NRIP1: variants seen among roughly 807,000 people sequenced by gnomAD.
NRIP1 encodes the protein nuclear receptor-interacting protein 1.
Under a neutral mutation model 75.0 loss-of-function variants are expected in NRIP1, and 28 were observed. That is an observed-to-expected ratio of 0.37 (90% CI 0.28 to 0.51). NRIP1 has a LOEUF of 0.51. Among genes scored for constraint, NRIP1 ranks in the 20% least tolerant of loss-of-function variants. NRIP1 has a pLI of 0.92. For synonymous variants in NRIP1, 526 were observed against 487.6 expected (o/e 1.08, Z -1.04); for missense variants, 1,435 against 1,343.7 (o/e 1.07, Z -1.06).
chr21:14,964,488 A>G lies in NRIP1; in HGVS notation c.*228T>C, dbSNP rs2086668420. 1 of 407,792 alleles carries G rather than the reference A, an allele frequency of 2.5e-6. No individual in the cohort carries two copies. Among genetic ancestry groups the G allele is most frequent in the Non-Finnish European group, 4.3e-6 (1 of 230,682 alleles). The allele number at this position is 407,792 out of a possible 1,614,324, so 25.3% of individuals were successfully genotyped here. ...TACTCACAGTTGTTATCTGATGCAT[A>G]CAGAAGTGTTAAACAACCAATTGCT... is the stretch of plus-strand genomic sequence containing the variant. On this transcript the variant is annotated 3_prime_UTR_variant, in exon 4 of 4. Coordinates refer to ENST00000318948, the MANE Select transcript of NRIP1 (RefSeq NM_003489.4).
chr21:14,988,184 T>G (rs2087457737), intron 3 of NRIP1: 1 of 152,072 alleles, frequency 6.6e-6, no homozygotes, highest in African/African-American at 2.4e-5. Context: ...CGAGGCTCAG[T>G]TTTTTCAGCT....
intron 1 of NRIP1, among the ~76,000 whole-genome samples, chr21:15,062,307 G>A (rs1275084152): frequency 6.6e-6 from 1 of 152,166 alleles, no homozygotes; most frequent in African/African-American, 2.4e-5. Flanking sequence ...TCACAACTCT[G>A]TCATGGGCTG....
chr21:14,985,483 T>G (rs2087372205), intron 3 of NRIP1, among the ~76,000 whole-genome samples: 1 of 152,206 alleles, frequency 6.6e-6, no homozygotes, highest in Non-Finnish European at 1.5e-5. Context: ...CAGCTATCTA[T>G]CATCTATCAT....
chr21:15,003,680 C>G (rs912180268), intron 3 of NRIP1, among the ~76,000 whole-genome samples: 8 of 152,186 alleles, frequency 5.3e-5, no homozygotes, highest in Non-Finnish European at 1.0e-4. Flanking sequence ...CTGGAGGAGG[C>G]AGGCTTGCTA....
intron 2 of NRIP1, 22 bp from the exon 3 acceptor site, chr21:15,014,488 G>C: frequency 2.5e-6 from 1 of 398,380 alleles, no homozygotes; most frequent in Non-Finnish European, 4.4e-6. Flanking sequence ...GGAAAAGATA[G>C]TTTGGCATCT....
At chr21:14,984,917 C>A (rs948740246) in intron 3 of NRIP1, among the ~76,000 whole-genome samples, 2 of 152,108 alleles carry the variant, frequency 1.3e-5, no homozygotes, top group Non-Finnish European at 1.5e-5. Flanking sequence ...AAGGTATGCA[C>A]ATTATTTTTA....
chr21:14,971,533 A>T (rs756283930), intron 3 of NRIP1: 9 of 152,218 alleles, frequency 5.9e-5, no homozygotes, highest in Non-Finnish European at 1.3e-4. Flanking sequence ...ATTTTTAAAA[A>T]GGGATGTGAT....
chr21:14,995,120 T>G (rs2087686041), intron 3 of NRIP1, among the ~76,000 whole-genome samples: 1 of 148,544 alleles, frequency 6.7e-6, no homozygotes, highest in Non-Finnish European at 1.5e-5. Flanking sequence ...ATGGAAAATG[T>G]AACTCACATT....
chr21:14,961,663 T>C lies in NRIP1; in HGVS notation c.*3053A>G, dbSNP rs1416437306. On this transcript the variant is annotated 3_prime_UTR_variant, in exon 4 of 4. Transcript: ENST00000318948. ...GTCCAGAAATGGAATACTGTCATGT[T>C]AGGATGAACATCTGATCTGATTTGT... 6.6e-6 allele frequency: 1 copy of C among 152,456 alleles called. No homozygotes were observed. The highest frequency in any genetic ancestry group is 1.5e-5 in the Non-Finnish European group (1 of 67,914). 9.4% of individuals were successfully genotyped at this position (152,456 alleles called of 1,614,324 possible).
intron 3 of NRIP1, among the ~76,000 whole-genome samples, chr21:15,004,403 A>G (rs1465913679): frequency 6.6e-6 from 1 of 152,240 alleles, no homozygotes; most frequent in Non-Finnish European, 1.5e-5. Context: ...TTCTATACAT[A>G]ATACACATAA....
intron 1 of NRIP1, among the ~76,000 whole-genome samples, chr21:15,057,206 G>C (rs952003879): frequency 2.0e-5 from 3 of 152,128 alleles, no homozygotes; most frequent in Non-Finnish European, 2.9e-5. Flanking sequence ...TAATAGTCAA[G>C]AGTTGTAACT....
Position 14,967,987 on chromosome 21 carries a change from T to C in NRIP1, c.206A>G (p.Asn69Ser). 2 of 1,614,038 alleles carry C rather than the reference T, an allele frequency of 1.2e-6. No homozygotes were observed. Among genetic ancestry groups the C allele is most frequent in the Non-Finnish European group, 1.7e-6 (2 of 1,180,000 alleles). Reference protein sequence around the residue: ...PTCQSNGPVLNTHTYQGSGML... With the variant: ...PTCQSNGPVLSTHTYQGSGML... Reference sequence around the variant, plus strand: ...GCCAGACCCCTGATATGTATGTGTATTGAGAACTGGACCATTACTTTGACA... The same window carrying C: ...GCCAGACCCCTGATATGTATGTGTACTGAGAACTGGACCATTACTTTGACA... Residue 69 changes from asparagine (N) to serine (S), a missense_variant, in exon 4 of 4, where the codon AAT (asparagine) becomes AGT (serine). Physicochemically the swap from Asn to Ser is conservative, Grantham distance 46 (BLOSUM62 1). Transcript: ENST00000318948.
intron 2 of NRIP1, among the ~76,000 whole-genome samples, chr21:15,029,183 T>C (rs572261149): frequency 1.3e-5 from 2 of 152,342 alleles, no homozygotes; most frequent in South Asian, 4.1e-4. Context: ...TTTGGTCTAC[T>C]TAACACAACT....
At chr21:15,045,410 T>C (rs1179862175) in intron 1 of NRIP1, among the ~76,000 whole-genome samples, 1 of 152,236 alleles carries the variant, frequency 6.6e-6, no homozygotes, top group African/African-American at 2.4e-5. Context: ...TACACTGTAC[T>C]ATAGTCTATT....
At chr21:14,982,759 T>C (rs1387107368) in intron 3 of NRIP1, among the ~76,000 whole-genome samples, 1 of 151,824 alleles carries the variant, frequency 6.6e-6, no homozygotes, top group Non-Finnish European at 1.5e-5. Context: ...GGCAATTCTG[T>C]TGAGGAAGTC....
chr21:15,016,471 C>G (rs7282245), intron 2 of NRIP1, among the ~76,000 whole-genome samples: 24,536 of 152,174 alleles, frequency 0.16, 2,379 homozygotes, highest in East Asian at 0.23. Flanking sequence ...CATTATCTAC[C>G]AACTCACTGA....
intron 1 of NRIP1, among the ~76,000 whole-genome samples, chr21:15,048,241 C>G (rs369040902): frequency 6.6e-6 from 1 of 152,090 alleles, no homozygotes; most frequent in Admixed American, 6.5e-5. Flanking sequence ...AAGACACAAA[C>G]TGAAAACATG....
intron 2 of NRIP1, among the ~76,000 whole-genome samples, chr21:15,030,302 C>G (rs558915586): frequency 1.3e-5 from 2 of 152,318 alleles, no homozygotes; most frequent in Non-Finnish European, 2.9e-5. Flanking sequence ...GTTTACTTTA[C>G]TTGTAGTAAG....
rs113781533 is a variant in NRIP1 at position 15,020,089 on chromosome 21, C to A, written c.-457-5623G>T. ...TGATCTACCTAAATGCCATCGTAAT[C>A]TTTTTCTAGAAATTGGTCCTAAAAT... On this transcript the variant is annotated intron_variant, in intron 2 of 3. Transcript: ENST00000318948. 3.2e-3 allele frequency among the ~76,000 whole-genome samples: 482 copies of A among 151,940 alleles called. 2 individuals carry two copies. The highest frequency in any genetic ancestry group is 5.6e-3 in the Non-Finnish European group (380 of 67,884).
Sources: allele counts gnomAD v4.1 joint callset (sites outside exome capture counted in the v4.1 genomes callset), GRCh38; gene constraint gnomAD v4.1.1; transcripts MANE v1.5; gene names NCBI Gene and HGNC (gene_info 2026-07-23, HGNC 2026-07-21).